ZSWIM6: variants seen among roughly 807,000 people sequenced by gnomAD.
The protein encoded by ZSWIM6 is zinc finger SWIM domain-containing protein 6.
In ZSWIM6, 9 loss-of-function variants were observed where a neutral mutation model predicts 113.2. The ratio of observed to expected loss-of-function variants is 0.08; its 90% CI spans 0.05 to 0.14. ZSWIM6 has a LOEUF of 0.14. Ranked by LOEUF, ZSWIM6 falls within the 10% of genes least tolerant of loss-of-function variation. ZSWIM6 has a pLI of 1.00. For synonymous variants in ZSWIM6, 611 were observed against 606.5 expected, an observed-to-expected ratio of 1.01 and a Z score of -0.11; for missense variants, 1,162 against 1,552.2, an observed-to-expected ratio of 0.75 and a Z score of 4.22.
intron 1 of ZSWIM6, among the ~76,000 whole-genome samples, chr5:61,462,139 A>G (rs1036070404): frequency 2.0e-5 from 3 of 152,222 alleles, no homozygotes; most frequent in Non-Finnish European, 4.4e-5. Context: ...TTGTCAGGCT[A>G]TAAATTAGTG....
chr5:61,517,766 T>TTTAA (rs1561274695), intron 4 of ZSWIM6, among the ~76,000 whole-genome samples: 1 of 150,360 alleles, frequency 6.7e-6, no homozygotes, highest in African/African-American at 2.4e-5. Context: ...GAGATTTTTT[T>TTTAA]TTAATTATTT....
chr5:61,375,066 C>T (rs1300586328), intron 1 of ZSWIM6: 15 of 1,554,212 alleles, frequency 9.7e-6, no homozygotes, highest in Admixed American at 3.4e-5. Context: ...TAAGTCTCTC[C>T]GGCCCGGTTT....
intron 1 of ZSWIM6, among the ~76,000 whole-genome samples, chr5:61,335,844 AATTT>A (rs1744379841): frequency 6.6e-6 from 1 of 152,240 alleles, no homozygotes; most frequent in African/African-American, 2.4e-5. Context: ...TTTAAAAAGA[AATTT>A]AAGGGAAAAA....
At chr5:61,396,987 G>A (rs114718783) in intron 1 of ZSWIM6, among the ~76,000 whole-genome samples, 1,706 of 152,232 alleles carry the variant, frequency 0.011, 24 homozygotes, top group African/African-American at 0.038. Context: ...CAATTTACAG[G>A]TTAGGTAGGG....
intron 1 of ZSWIM6, among the ~76,000 whole-genome samples, chr5:61,446,528 C>G (rs1013133356): frequency 6.6e-6 from 1 of 152,156 alleles, no homozygotes; most frequent in Non-Finnish European, 1.5e-5. Flanking sequence ...ACACAAAGAT[C>G]ATTTTGATTT....
chr5:61,350,860 C>T (rs988561767), intron 1 of ZSWIM6, among the ~76,000 whole-genome samples: 10 of 152,246 alleles, frequency 6.6e-5, no homozygotes, highest in African/African-American at 2.4e-4. Flanking sequence ...CTAAGAGGCT[C>T]ACATGGGAAT....
In ZSWIM6 at chr5:61,332,698, T is replaced by TGGCGGCGGCGGCGCG. The variant is rs772099709; in HGVS notation, c.440_454dup (p.Ala147_Gly151dup). 4.2e-5 allele frequency: 41 copies of TGGCGGCGGCGGCGCG among 967,230 alleles called. No homozygotes were observed. The highest frequency in any genetic ancestry group is 5.0e-5 in the Non-Finnish European group (41 of 819,406). 59.9% of individuals were successfully genotyped at this position (967,230 alleles called of 1,614,324 possible). A position where few individuals can be genotyped will look rare whatever the true frequency, so the allele number is the denominator to read the frequency against. ...CGGGCGGCCCCGGCGACGACAGCGGTGGCGGCGGCGGCGCGGGCGGCGGCG... is the reference window on the plus strand; with the variant it reads ...CGGGCGGCCCCGGCGACGACAGCGGTGGCGGCGGCGGCGCGGGCGGCGGCGGCGCGGGCGGCGGCG... On this transcript the variant is annotated inframe_insertion, in exon 1 of 14. Transcript: ENST00000252744.
chr5:61,454,342 A>G (rs1414665076), intron 1 of ZSWIM6, among the ~76,000 whole-genome samples: 2 of 151,448 alleles, frequency 1.3e-5, no homozygotes, highest in Non-Finnish European at 2.9e-5. Context: ...TGCAGCCTCA[A>G]TCTCCTAGGC....
At chr5:61,378,736 T>TAA (rs1745420757) in intron 1 of ZSWIM6, among the ~76,000 whole-genome samples, 1 of 152,056 alleles carries the variant, frequency 6.6e-6, no homozygotes, top group African/African-American at 2.4e-5. Flanking sequence ...TGTATTTTTT[T>TAA]AGTAGAGATG....
chr5:61,432,526 A>G (rs1746608152), intron 1 of ZSWIM6, among the ~76,000 whole-genome samples: 1 of 152,230 alleles, frequency 6.6e-6, no homozygotes, highest in African/African-American at 2.4e-5. Flanking sequence ...ACAGCTTCAC[A>G]GCTGGCTTAT....
intron 1 of ZSWIM6, among the ~76,000 whole-genome samples, chr5:61,390,259 T>C (rs1745677721): frequency 1.3e-5 from 2 of 152,242 alleles, no homozygotes; most frequent in Admixed American, 1.3e-4. Context: ...TTATTTTGAC[T>C]AAGAAGGTTG....
chr5:61,464,152 C>T (rs540147569), intron 1 of ZSWIM6, among the ~76,000 whole-genome samples: 11 of 133,428 alleles, frequency 8.2e-5, no homozygotes, highest in South Asian at 2.5e-4. Context: ...CCAACACACC[C>T]GGCTAATTTT....
intron 4 of ZSWIM6, among the ~76,000 whole-genome samples, chr5:61,500,528 G>T (rs1748437946): frequency 6.6e-6 from 1 of 152,118 alleles, no homozygotes; most frequent in African/African-American, 2.4e-5. Flanking sequence ...AATAAACCCT[G>T]TAAGAGCTGC....
intron 3 of ZSWIM6, among the ~76,000 whole-genome samples, 179 bp downstream of exon 3, chr5:61,491,113 C>G (rs1488508442): frequency 2.6e-5 from 4 of 151,912 alleles, no homozygotes; most frequent in African/African-American, 9.7e-5. Flanking sequence ...TGATCTTAGA[C>G]AAGATATGGG....
chr5:61,368,254 A>C (rs1289460399), intron 1 of ZSWIM6, among the ~76,000 whole-genome samples: 1 of 152,238 alleles, frequency 6.6e-6, no homozygotes, highest in East Asian at 1.9e-4. Context: ...TATTTTATAT[A>C]AAACATAATT....
chr5:61,437,287 T>C (rs535443713), intron 1 of ZSWIM6, among the ~76,000 whole-genome samples: 1 of 152,284 alleles, frequency 6.6e-6, no homozygotes, highest in South Asian at 2.1e-4. Flanking sequence ...TTAAAGTTTA[T>C]TACTGAATTT....
chr5:61,335,953 T>A (rs1744383074), intron 1 of ZSWIM6, among the ~76,000 whole-genome samples: 1 of 152,206 alleles, frequency 6.6e-6, no homozygotes, highest in African/African-American at 2.4e-5. Context: ...AAAGAGTAGT[T>A]GGCTTATTTT....
At chr5:61,467,459 G>A (rs760943293) in intron 1 of ZSWIM6, among the ~76,000 whole-genome samples, 6 of 152,044 alleles carry the variant, frequency 3.9e-5, no homozygotes, top group African/African-American at 1.2e-4. Flanking sequence ...TACACATTGC[G>A]TACTAATGTG....
At chr5:61,491,868 G>A (rs993549347) in intron 3 of ZSWIM6, among the ~76,000 whole-genome samples, 2 of 151,850 alleles carry the variant, frequency 1.3e-5, no homozygotes, top group South Asian at 2.1e-4. Context: ...GTATGGCCAG[G>A]AATAGTGTAT....
Sources: gnomAD v4.1 joint callset for allele counts (sites outside exome capture counted in the v4.1 genomes callset) on GRCh38, gnomAD v4.1.1 for gene constraint, MANE v1.5 for transcripts, NCBI Gene and HGNC (gene_info 2026-07-23, HGNC 2026-07-21) for gene names.